Variants in SEMA5A observed in about 807,000 individuals in gnomAD.
SEMA5A encodes the protein semaphorin-5A.
Under a neutral mutation model 135.5 loss-of-function variants are expected in SEMA5A, and 55 were observed. The observed-to-expected ratio is 0.41, with a 90% CI of 0.33 to 0.51. SEMA5A has a LOEUF of 0.51. SEMA5A is among the 20% of genes least tolerant of loss of function. The pLI is 0.37. For synonymous variants in SEMA5A, 580 were observed against 546.5 expected (o/e 1.06, Z -0.85); for missense variants, 1,290 against 1,419.9 (o/e 0.91, Z 1.47).
chr5:9,449,782 A>G (rs901646000), intron 1 of SEMA5A, among the ~76,000 whole-genome samples: 7 of 152,130 alleles, frequency 4.6e-5, no homozygotes, highest in Non-Finnish European at 1.0e-4. Context: ...ACACACACAG[A>G]AGGTGCCTGG....
At chr5:9,193,326 A>T (rs1239413519) in intron 10 of SEMA5A, among the ~76,000 whole-genome samples, 1 of 152,174 alleles carries the variant, frequency 6.6e-6, no homozygotes, top group South Asian at 2.1e-4. Context: ...AAAACAATAA[A>T]AATAGTAAAA....
At chr5:9,481,831 C>T (rs1392851692) in intron 1 of SEMA5A, among the ~76,000 whole-genome samples, 4 of 152,104 alleles carry the variant, frequency 2.6e-5, no homozygotes, top group African/African-American at 4.8e-5. Context: ...GACTTGTCCT[C>T]GATATCTAAA....
In SEMA5A at chr5:9,353,973, TAA is replaced by T. The variant is rs56154322; in HGVS notation, c.125-16163_125-16162del. Among the ~76,000 whole-genome samples the T allele has an allele frequency of 5.6e-4, 78 of 139,156 alleles. 1 individual carries two copies. Among genetic ancestry groups the T allele is most frequent in the African/African-American group, 1.5e-3 (55 of 37,856 alleles). 91.3% of individuals were successfully genotyped at this position (139,156 alleles called of 152,430 possible). On this transcript the variant is annotated intron_variant, in intron 3 of 22. Transcript: ENST00000382496. ...CTTTAAAAAAAGAAAAAGCACGTGT[TAA>T]AAAAAAAAAAAAAGAAACAAAAGCT...
At chr5:9,101,231 C>G (rs113834928) in intron 16 of SEMA5A, among the ~76,000 whole-genome samples, 183 of 152,290 alleles carry the variant, frequency 1.2e-3, no homozygotes, top group African/African-American at 4.1e-3. Context: ...AGTCCTTAAC[C>G]TTTTCAATTA....
At chr5:9,371,729 T>C (rs1755145082) in intron 3 of SEMA5A, among the ~76,000 whole-genome samples, 1 of 152,122 alleles carries the variant, frequency 6.6e-6, no homozygotes, top group Admixed American at 6.5e-5. Flanking sequence ...AAAGACAAAT[T>C]ATTCATGGAA....
chr5:9,282,646 C>A (rs1349788397), intron 5 of SEMA5A, among the ~76,000 whole-genome samples: 1 of 152,148 alleles, frequency 6.6e-6, no homozygotes, highest in African/African-American at 2.4e-5. Flanking sequence ...AGGCATCATG[C>A]ACTTTCTGGC....
At chr5:9,186,356 T>A (rs567921864) in intron 11 of SEMA5A, among the ~76,000 whole-genome samples, 43 of 152,282 alleles carry the variant, frequency 2.8e-4, no homozygotes, top group African/African-American at 1.0e-3. Flanking sequence ...CTCACATGGA[T>A]CTGTAGACAA....
At chr5:9,321,325 C>A (rs546847314) in intron 4 of SEMA5A, among the ~76,000 whole-genome samples, 32 of 152,188 alleles carry the variant, frequency 2.1e-4, no homozygotes, top group Admixed American at 1.2e-3. Flanking sequence ...TAGTACATAG[C>A]GGCACCAGGG....
At chr5:9,528,495 A>G (rs1021912265) in intron 1 of SEMA5A, among the ~76,000 whole-genome samples, 5 of 152,018 alleles carry the variant, frequency 3.3e-5, no homozygotes, top group Non-Finnish European at 7.4e-5. Flanking sequence ...ACTCTCTCCA[A>G]CCCCATGAAT....
At chr5:9,084,619 G>A (rs552701678) in intron 16 of SEMA5A, among the ~76,000 whole-genome samples, 2 of 152,284 alleles carry the variant, frequency 1.3e-5, no homozygotes, top group South Asian at 4.1e-4. Context: ...TAATTGTGAG[G>A]CCTCCCCAGC....
chr5:9,086,916 C>T (rs1738727281), intron 16 of SEMA5A, among the ~76,000 whole-genome samples: 1 of 152,112 alleles, frequency 6.6e-6, no homozygotes, highest in African/African-American at 2.4e-5. Flanking sequence ...TTTGCTACAG[C>T]CTAAACACAT....
chr5:9,424,797 T>C (rs992210213), intron 2 of SEMA5A, among the ~76,000 whole-genome samples: 4 of 152,100 alleles, frequency 2.6e-5, no homozygotes, highest in African/African-American at 7.2e-5. Flanking sequence ...ACTCTACCTC[T>C]AAATATGTCA....
intron 1 of SEMA5A, among the ~76,000 whole-genome samples, chr5:9,541,698 A>AAGG (rs3839333): frequency 0.096 from 14,648 of 152,182 alleles, 948 homozygotes; most frequent in Non-Finnish European, 0.14. Context: ...TGGACCAAAA[A>AAGG]AGAAGAAAGA....
intron 5 of SEMA5A, among the ~76,000 whole-genome samples, chr5:9,305,540 T>A (rs1303235532): frequency 6.6e-6 from 1 of 151,858 alleles, no homozygotes; most frequent in Non-Finnish European, 1.5e-5. Context: ...TTTTTTTGTA[T>A]TAGAGTGACC....
chr5:9,480,000 C>A (rs563611850), intron 1 of SEMA5A, among the ~76,000 whole-genome samples: 7 of 152,098 alleles, frequency 4.6e-5, no homozygotes, highest in Non-Finnish European at 7.4e-5. Context: ...TTTTTTTCTC[C>A]TCGTTTAAAC....
chr5:9,251,868 T>C (rs1748811677), intron 5 of SEMA5A, among the ~76,000 whole-genome samples: 1 of 152,120 alleles, frequency 6.6e-6, no homozygotes, highest in Non-Finnish European at 1.5e-5. Flanking sequence ...AACTCTACCC[T>C]CCCAACAATC....
chr5:9,356,026 T>C (rs1356213699), intron 3 of SEMA5A, among the ~76,000 whole-genome samples: 1 of 152,182 alleles, frequency 6.6e-6, no homozygotes, highest in African/African-American at 2.4e-5. Flanking sequence ...TCATACAGGC[T>C]TTTAAGGACT....
At chr5:9,398,345 C>A (rs1756492118) in intron 2 of SEMA5A, among the ~76,000 whole-genome samples, 1 of 152,212 alleles carries the variant, frequency 6.6e-6, no homozygotes, top group African/African-American at 2.4e-5. Flanking sequence ...TTCAAAAACA[C>A]CAGAGCTGGC....
At chr5:9,444,902 A>C (rs1758374033) in intron 1 of SEMA5A, among the ~76,000 whole-genome samples, 1 of 152,202 alleles carries the variant, frequency 6.6e-6, no homozygotes, top group Admixed American at 6.5e-5. Context: ...CAAGCTGTGC[A>C]CAGACAAACA....
Sources: gnomAD v4.1 joint callset for allele counts (sites outside exome capture counted in the v4.1 genomes callset) on GRCh38, gnomAD v4.1.1 for gene constraint, MANE v1.5 for transcripts, NCBI Gene and HGNC (gene_info 2026-07-23, HGNC 2026-07-21) for gene names.